Variants in COP1 observed in about 807,000 individuals in gnomAD.
The protein encoded by COP1 is E3 ubiquitin-protein ligase COP1.
In COP1, 24 loss-of-function variants were observed where a neutral mutation model predicts 101.3. The observed-to-expected ratio is 0.24, with a 90% CI of 0.17 to 0.33. COP1 has a LOEUF of 0.33. Ranked by LOEUF, COP1 falls within the 10% of genes least tolerant of loss-of-function variation. The pLI is 1.00. For missense variants in COP1, 663 were observed against 906.2 expected, an observed-to-expected ratio of 0.73 and a Z score of 3.45; for synonymous variants, 347 against 341.9, an observed-to-expected ratio of 1.01 and a Z score of -0.17.
At chr1:176,071,192 T>C (rs1676941138) in intron 11 of COP1, among the ~76,000 whole-genome samples, 1 of 152,112 alleles carries the variant, frequency 6.6e-6, no homozygotes, top group African/African-American at 2.4e-5. Context: ...TCGCAAGATC[T>C]GGTCATTTTA....
intron 14 of COP1, among the ~76,000 whole-genome samples, chr1:176,038,686 C>T (rs1407253908): frequency 1.3e-5 from 2 of 151,976 alleles, no homozygotes; most frequent in African/African-American, 2.4e-5. Context: ...CGTGTGGTGG[C>T]GTGCGCCTGT....
rs1689442131 is a variant in COP1 at position 176,134,267 on chromosome 1, G to A, written c.968+743C>T. Among the ~76,000 whole-genome samples the A allele has an allele frequency of 2.6e-5, 4 of 151,972 alleles. No homozygotes were observed. In the South Asian group the frequency reaches 8.3e-4, roughly 31 times the overall value. On this transcript the variant is annotated intron_variant, in intron 8 of 19. Coordinates refer to ENST00000367669, the MANE Select transcript of COP1 (RefSeq NM_022457.7). ...AAATCGTTATCCTAAACAGAGAGTGGATTTAACAAATCAAAAACAAATGAT... is the reference window on the plus strand; with the variant it reads ...AAATCGTTATCCTAAACAGAGAGTGAATTTAACAAATCAAAAACAAATGAT...
At chr1:176,160,245 C>A in intron 5 of COP1, 1 of 404,654 alleles carries the variant, frequency 2.5e-6, no homozygotes, top group Non-Finnish European at 4.8e-6. Context: ...GTATGGTAGC[C>A]CACACACATC....
rs1285219615 is a variant in COP1, at chr1:176,206,555, G to A, written c.407+17C>T. 8 of 1,601,648 alleles carry A rather than the reference G, an allele frequency of 5.0e-6. No individual in the cohort carries two copies. Among genetic ancestry groups the A allele is most frequent in the Non-Finnish European group, 6.8e-6 (8 of 1,177,618 alleles). On this transcript the variant is annotated intron_variant, in intron 1 of 19. Coordinates refer to ENST00000367669, the MANE Select transcript of COP1 (RefSeq NM_022457.7). ...CTCATAATTTAGGGACAAGGAGGGA[G>A]TGCTCTTCAAACCCACCATACGAAG...
intron 11 of COP1, among the ~76,000 whole-genome samples, chr1:176,068,742 A>G (rs942938656): frequency 3.9e-5 from 6 of 152,238 alleles, no homozygotes; most frequent in Non-Finnish European, 1.5e-5. Context: ...AGATTTACAA[A>G]GGACTTCTCT....
At chr1:175,962,118 G>A (rs1651450093) in intron 18 of COP1, among the ~76,000 whole-genome samples, 1 of 152,134 alleles carries the variant, frequency 6.6e-6, no homozygotes, top group African/African-American at 2.4e-5. Context: ...GATAGGAGCA[G>A]TTTTTCTTTG....
In COP1 at chr1:176,083,259, C is replaced by T. The variant is rs184245573; in HGVS notation, c.1142-1972G>A. ...CTGTTTCAATGTTATCCTATTCATT[C>T]CCATTTTGATATCAATTCCTAAGTA... On this transcript the variant is annotated intron_variant, in intron 10 of 19. Coordinates refer to ENST00000367669, the MANE Select transcript of COP1 (RefSeq NM_022457.7). 2.1e-4 allele frequency among the ~76,000 whole-genome samples: 32 copies of T among 152,192 alleles called. No individual in the cohort carries two copies. The East Asian group carries it at 6.2e-3, about 29-fold the overall frequency.
chr1:175,992,797 T>C (rs1011263402), intron 15 of COP1, among the ~76,000 whole-genome samples: 1 of 152,196 alleles, frequency 6.6e-6, no homozygotes, highest in Admixed American at 6.5e-5. Flanking sequence ...CCTGCCTCTG[T>C]AGGCTCCACC....
At chr1:175,998,676 C>T (rs1660880639) in intron 15 of COP1, among the ~76,000 whole-genome samples, 2 of 151,860 alleles carry the variant, frequency 1.3e-5, no homozygotes, top group Admixed American at 6.6e-5. Context: ...ACAGATAGTT[C>T]ATAATGTACA....
rs189007505 is a variant in COP1, at chr1:176,015,006, G to A, written c.1729+12566C>T. 5.9e-4 allele frequency among the ~76,000 whole-genome samples: 90 copies of A among 152,204 alleles called. 1 individual carries two copies. The East Asian group carries it at 0.013, about 21-fold the overall frequency. ...TCAAGTGATAACAATGAGACAGAGA[G>A]GAAAGGTAATGACTGGGTGAGTCTC... On this transcript the variant is annotated intron_variant, in intron 15 of 19. Transcript: ENST00000367669.
At chr1:176,034,103 T>C (rs951870095) in intron 14 of COP1, among the ~76,000 whole-genome samples, 1 of 152,138 alleles carries the variant, frequency 6.6e-6, no homozygotes, top group East Asian at 1.9e-4. Context: ...AAAGCAACTA[T>C]ATGAGGAAAC....
intron 1 of COP1, among the ~76,000 whole-genome samples, chr1:176,195,597 C>T (rs1003587037): frequency 5.3e-5 from 8 of 151,834 alleles, no homozygotes; most frequent in Middle Eastern, 3.2e-3. Context: ...ATAAAAAGGA[C>T]TAATATCATA....
intron 9 of COP1, among the ~76,000 whole-genome samples, chr1:176,089,676 C>CT (rs1023435752): frequency 5.9e-5 from 9 of 152,134 alleles, no homozygotes; most frequent in African/African-American, 1.4e-4. Context: ...GACCTAAACT[C>CT]TGAGTTTTTT....
intron 18 of COP1, among the ~76,000 whole-genome samples, chr1:175,984,019 C>T (rs1285475223): frequency 6.6e-6 from 1 of 152,130 alleles, no homozygotes; most frequent in Non-Finnish European, 1.5e-5. Context: ...TGCAGCCTGA[C>T]AATGCAATAG....
At chr1:176,022,468 A>T (rs914204535) in intron 15 of COP1, among the ~76,000 whole-genome samples, 3 of 152,252 alleles carry the variant, frequency 2.0e-5, no homozygotes, top group Non-Finnish European at 4.4e-5. Context: ...CAACTTCATG[A>T]GTATGATTCT....
intron 1 of COP1, chr1:176,206,351 C>T (rs895064381): frequency 6.3e-5 from 35 of 556,422 alleles, no homozygotes; most frequent in Non-Finnish European, 1.0e-4. Flanking sequence ...TTACCTACCT[C>T]TTTATTATCC....
chr1:175,984,000 C>CA (rs1307196766), intron 18 of COP1, among the ~76,000 whole-genome samples: 1 of 152,102 alleles, frequency 6.6e-6, no homozygotes, highest in Admixed American at 6.5e-5. Flanking sequence ...CATCAAAGTT[C>CA]AAAAAATTTG....
intron 6 of COP1, among the ~76,000 whole-genome samples, chr1:176,136,897 A>C (rs1041541785): frequency 6.6e-6 from 1 of 152,004 alleles, no homozygotes; most frequent in South Asian, 2.1e-4. Flanking sequence ...AAAATTCAGC[A>C]TGTCAGTTGT....
At chr1:176,033,469 G>C (rs1222536102) in intron 14 of COP1, among the ~76,000 whole-genome samples, 2 of 151,928 alleles carry the variant, frequency 1.3e-5, no homozygotes, top group African/African-American at 4.8e-5. Flanking sequence ...CTGGAATGAA[G>C]AAGAACCTGT....
Sources: allele counts gnomAD v4.1 joint callset (sites outside exome capture counted in the v4.1 genomes callset), GRCh38; gene constraint gnomAD v4.1.1; transcripts MANE v1.5; gene names NCBI Gene and HGNC (gene_info 2026-07-23, HGNC 2026-07-21).